PLXNC1: variants seen among roughly 807,000 people sequenced by gnomAD.
PLXNC1 encodes plexin-C1.
A neutral mutation model predicts 178.2 loss-of-function variants in PLXNC1; 75 were observed. The ratio of observed to expected loss-of-function variants is 0.42; its 90% CI spans 0.35 to 0.51. The LOEUF is 0.51. Ranked by LOEUF, PLXNC1 falls within the 20% of genes least tolerant of loss-of-function variation. The probability of loss-of-function intolerance (pLI) is 0.02; values close to 1 mark genes in which losing one functional copy is unlikely to be tolerated. For synonymous variants in PLXNC1, 790 were observed against 779.9 expected, an observed-to-expected ratio of 1.01 and a Z score of -0.22; for missense variants, 1,503 against 1,984.4, an observed-to-expected ratio of 0.76 and a Z score of 4.61.
chr12:94,274,678 A>G (rs1470399398), intron 21 of PLXNC1, among the ~76,000 whole-genome samples: 1 of 152,190 alleles, frequency 6.6e-6, no homozygotes, highest in East Asian at 1.9e-4. Flanking sequence ...ATGCCATCCC[A>G]TCGATTTGGA....
At chr12:94,180,849 CA>C (rs1378679628) in intron 2 of PLXNC1, among the ~76,000 whole-genome samples, 1 of 152,178 alleles carries the variant, frequency 6.6e-6, no homozygotes, top group African/African-American at 2.4e-5. Flanking sequence ...CAGACATGGT[CA>C]GAAATTGTGG....
intron 4 of PLXNC1, among the ~76,000 whole-genome samples, chr12:94,200,505 A>G (rs1052466734): frequency 6.6e-6 from 1 of 152,148 alleles, no homozygotes; most frequent in Non-Finnish European, 1.5e-5. Context: ...TGATAGGCCA[A>G]ATGTGGGATT....
At chr12:94,160,531 C>T (rs1337871345) in intron 1 of PLXNC1, among the ~76,000 whole-genome samples, 1 of 152,180 alleles carries the variant, frequency 6.6e-6, no homozygotes. Flanking sequence ...CCTTGGTCTT[C>T]TCCTGAGGCT....
At chr12:94,242,690 C>A (rs1964423651) in intron 11 of PLXNC1, among the ~76,000 whole-genome samples, 1 of 152,096 alleles carries the variant, frequency 6.6e-6, no homozygotes, top group Non-Finnish European at 1.5e-5. Context: ...ATGACATCCC[C>A]CACTCTAGGA....
intron 14 of PLXNC1, among the ~76,000 whole-genome samples, chr12:94,250,939 G>A (rs1406408361): frequency 1.3e-5 from 2 of 152,124 alleles, no homozygotes; most frequent in Non-Finnish European, 2.9e-5. Context: ...GATCACTTGA[G>A]CCCATGATGA....
At chr12:94,282,272 A>G (rs1440057219) in intron 22 of PLXNC1, 26 bp from the exon 23 acceptor site, 2 of 1,543,980 alleles carry the variant, frequency 1.3e-6, no homozygotes, top group Non-Finnish European at 1.8e-6. Context: ...AAACTCTCTA[A>G]AAAGGAACAA....
chr12:94,254,459 G>A (rs1964785133), intron 15 of PLXNC1: 1 of 493,324 alleles, frequency 2.0e-6, no homozygotes, highest in South Asian at 1.5e-5. Context: ...AAGAAACTTG[G>A]CTTGTTTCAT....
At chr12:94,297,969 G>A (rs1021918517) in intron 26 of PLXNC1, among the ~76,000 whole-genome samples, 3 of 152,066 alleles carry the variant, frequency 2.0e-5, no homozygotes, top group African/African-American at 7.2e-5. Context: ...AGTCTGTGGT[G>A]ATCTTTTTTT....
At chr12:94,151,861 C>A (rs1335354182) in intron 1 of PLXNC1, among the ~76,000 whole-genome samples, 1 of 152,184 alleles carries the variant, frequency 6.6e-6, no homozygotes, top group Admixed American at 6.5e-5. Context: ...CGTTTTGGCT[C>A]AATCAGGTGT....
intron 20 of PLXNC1, among the ~76,000 whole-genome samples, chr12:94,263,322 G>A (rs967424430): frequency 2.0e-5 from 3 of 152,150 alleles, no homozygotes; most frequent in African/African-American, 7.2e-5. Flanking sequence ...CTTAACAAGA[G>A]CCCGCAAGGG....
At position 94,264,950 on chromosome 12, in the gene PLXNC1, T is replaced by C. The variant is rs536887788; in HGVS notation, c.3451-129T>C. On this transcript the variant is annotated intron_variant, in intron 20 of 30. Coordinates refer to ENST00000258526, the MANE Select transcript of PLXNC1 (RefSeq NM_005761.3). ...CCAAGTGGAGCAACGTGTATTTTCT[T>C]GGGCGTTTCATGTTGAGTGTTAGAA... 6 of 914,826 alleles carry C rather than the reference T, an allele frequency of 6.6e-6. No individual in the cohort carries two copies. The Admixed American group carries it at 1.4e-4, about 21-fold the overall frequency. The allele number at this position is 914,826 out of a possible 1,614,324, so 56.7% of individuals were successfully genotyped here. A position where few individuals can be genotyped will look rare whatever the true frequency, so the allele number is the denominator to read the frequency against.
At chr12:94,272,872 G>A (rs1457822810) in intron 21 of PLXNC1, among the ~76,000 whole-genome samples, 1 of 152,236 alleles carries the variant, frequency 6.6e-6, no homozygotes, top group African/African-American at 2.4e-5. Flanking sequence ...AGGAGGTCAA[G>A]CCTCCTCTAC....
chr12:94,242,568 C>G (rs1565826519), intron 11 of PLXNC1, among the ~76,000 whole-genome samples: 1 of 152,086 alleles, frequency 6.6e-6, no homozygotes, highest in East Asian at 1.9e-4. Context: ...TTCTGAGGCA[C>G]TGGGAGTTAG....
chr12:94,196,631 A>G (rs968085958), intron 4 of PLXNC1, among the ~76,000 whole-genome samples: 7 of 152,220 alleles, frequency 4.6e-5, no homozygotes, highest in Non-Finnish European at 1.0e-4. Flanking sequence ...GCTTTGCAGT[A>G]GAAAAGTCCA....
chr12:94,193,859 C>CG (rs1231760488), intron 4 of PLXNC1, among the ~76,000 whole-genome samples: 1 of 152,134 alleles, frequency 6.6e-6, no homozygotes, highest in South Asian at 2.1e-4. Flanking sequence ...ATGGGAAACG[C>CG]GGGGGGTGGA....
At chr12:94,166,319 C>G (rs149298658) in intron 1 of PLXNC1, among the ~76,000 whole-genome samples, 5 of 152,250 alleles carry the variant, frequency 3.3e-5, no homozygotes, top group Non-Finnish European at 7.4e-5. Flanking sequence ...AGTCTGTGCT[C>G]TTATCATCAT....
chr12:94,269,408 T>C (rs553691281), intron 21 of PLXNC1, among the ~76,000 whole-genome samples: 4 of 152,368 alleles, frequency 2.6e-5, no homozygotes, highest in Non-Finnish European at 4.4e-5. Flanking sequence ...TCTCTTTCTC[T>C]AGCAGTTACC....
intron 21 of PLXNC1, among the ~76,000 whole-genome samples, chr12:94,269,695 C>T (rs1331947387): frequency 6.6e-6 from 1 of 152,222 alleles, no homozygotes; most frequent in Non-Finnish European, 1.5e-5. Context: ...TTTAATACTC[C>T]TACCATTTGT....
rs549347124 is a variant in PLXNC1, at chr12:94,224,196, C to T, written c.1703-32C>T. 7 of 1,279,232 alleles carry T rather than the reference C, an allele frequency of 5.5e-6. 1 individual carries two copies. The highest frequency in any genetic ancestry group is 3.6e-5 in the South Asian group (3 of 84,366). 79.2% of individuals were successfully genotyped at this position (1,279,232 alleles called of 1,614,324 possible). On this transcript the variant is annotated intron_variant, in intron 6 of 30. Transcript: ENST00000258526. ...TATGCTTGACTATAGCAGGACTCCA[C>T]CGTAAATGACATTTTCCCCCCTTCC...
Sources: allele counts gnomAD v4.1 joint callset (sites outside exome capture counted in the v4.1 genomes callset), GRCh38; gene constraint gnomAD v4.1.1; transcripts MANE v1.5; gene names NCBI Gene and HGNC (gene_info 2026-07-23, HGNC 2026-07-21).